AXIN1: variants seen among roughly 807,000 people sequenced by gnomAD.
AXIN1 encodes the protein axin 1, also known as axin-1.
In AXIN1, 30 loss-of-function variants were observed where a neutral mutation model predicts 76.4. The ratio of observed to expected loss-of-function variants is 0.39; its 90% CI spans 0.29 to 0.53. The LOEUF (loss-of-function observed/expected upper bound fraction) is 0.53. Ranked by LOEUF, AXIN1 falls within the 20% of genes least tolerant of loss-of-function variation. The pLI, the probability that AXIN1 is intolerant of heterozygous loss-of-function variation, is 0.66. For missense variants in AXIN1, 1,140 were observed against 1,198.8 expected (o/e 0.95, Z 0.72); for synonymous variants, 545 against 501.4 (o/e 1.09, Z -1.16).
chr16:326,219 C>T (rs2053575556), intron 2 of AXIN1, among the ~76,000 whole-genome samples: 1 of 149,170 alleles, frequency 6.7e-6, no homozygotes, highest in South Asian at 2.1e-4. Context: ...CTGGGCATGG[C>T]GACAGGCGCC....
chr16:318,389 C>T (rs931236830), intron 2 of AXIN1, among the ~76,000 whole-genome samples: 1 of 152,174 alleles, frequency 6.6e-6, no homozygotes, highest in Non-Finnish European at 1.5e-5. Flanking sequence ...CGGGAGAAGG[C>T]GGCTGGGAGA....
intron 2 of AXIN1, among the ~76,000 whole-genome samples, chr16:322,122 C>G (rs1443436877): frequency 6.6e-6 from 1 of 152,196 alleles, no homozygotes. Context: ...CACAGAGAGC[C>G]CCGTCTTGTG....
At chr16:315,026 G>A (rs1371477741) in intron 2 of AXIN1, among the ~76,000 whole-genome samples, 1 of 152,234 alleles carries the variant, frequency 6.6e-6, no homozygotes, top group African/African-American at 2.4e-5. Flanking sequence ...TCATTCTGCA[G>A]TGCGCGTCGG....
At chr16:295,916 A>G (rs1050962003) in intron 7 of AXIN1, among the ~76,000 whole-genome samples, 1 of 152,108 alleles carries the variant, frequency 6.6e-6, no homozygotes, top group East Asian at 1.9e-4. Flanking sequence ...GCAGTTAGCC[A>G]AGATTGCACC....
At chr16:329,445 C>A (rs945740771) in intron 2 of AXIN1, among the ~76,000 whole-genome samples, 1 of 151,928 alleles carries the variant, frequency 6.6e-6, no homozygotes, top group Non-Finnish European at 1.5e-5. Flanking sequence ...TCTGTGTTTT[C>A]TTTCTTTTCT....
rs771391099 is a variant in AXIN1, at chr16:297,103, G to A, written c.1908C>T (p.Ile636=). 93 of 1,612,662 alleles carry A rather than the reference G, an allele frequency of 5.8e-5. No homozygotes were observed. The highest frequency in any genetic ancestry group is 7.5e-5 in the Non-Finnish European group (88 of 1,179,956). The change falls in exon 7 of 11, where the codon ATC becomes ATT. Residue 636 remains isoleucine, a synonymous_variant. Coordinates refer to ENST00000262320, the MANE Select transcript of AXIN1 (RefSeq NM_003502.4). The part of the protein sequence containing the change: ...AEKNQKIMQW[I]IEGEKEISRH... ...TGCTGATCTCCTTTTCCCCCTCAATGATCCACTGCATGATTTTCTGGTTCT... is the reference window on the plus strand; with the variant it reads ...TGCTGATCTCCTTTTCCCCCTCAATAATCCACTGCATGATTTTCTGGTTCT...
intron 2 of AXIN1, among the ~76,000 whole-genome samples, chr16:326,354 C>CAA (rs1187459071): frequency 0.013 from 827 of 64,090 alleles, 15 homozygotes; most frequent in Admixed American, 0.019. Context: ...AACTCCGTCT[C>CAA]AAAAAAAAAA....
Position 293,645 on chromosome 16 carries a change from G to A in AXIN1, c.2029C>T (p.Pro677Ser), listed in dbSNP as rs746157158. 1.9e-6 allele frequency: 3 copies of A among 1,613,622 alleles called. No individual in the cohort carries two copies. The South Asian group carries it at 3.3e-5, about 18-fold the overall frequency. ...GGCTGCACGGAGGTCCGGAGCTGAG[G>A]GCCGGCCCAGGGGTGCTCAAGGGAC... ...PLSLEHPWAGPQLRTSVQPSH... is the reference protein window; with the variant it reads ...PLSLEHPWAGSQLRTSVQPSH... Residue 677 changes from proline to serine, a missense_variant, in exon 8 of 11, where the codon CCT becomes TCT. By Grantham distance (74) the Pro-to-Ser change is moderately conservative. Transcript: ENST00000262320. This position sits in a 1 kb window ranked among gnomAD's most constrained non-coding sequence, Gnocchi z 4.6.
Position 324,394 on chromosome 16 carries a change from G to A in AXIN1, c.879-9711C>T, listed in dbSNP as rs370235212. On this transcript the variant is annotated intron_variant, in intron 2 of 10. Coordinates refer to ENST00000262320, the MANE Select transcript of AXIN1 (RefSeq NM_003502.4). ...GCTGGAAGCAGCGCAGGGCAGAAGC[G>A]ATATGGAAAGGCGGGTCAGGCACAG... Among the ~76,000 whole-genome samples, 26 of 152,322 alleles carry A rather than the reference G, an allele frequency of 1.7e-4. No individual in the cohort carries two copies. The East Asian group carries it at 3.3e-3, about 19-fold the overall frequency.
chr16:293,273 T>G lies in AXIN1; in HGVS notation c.2186+215A>C, dbSNP rs1596980031. The stretch of plus-strand genomic sequence containing the variant: ...GAGCAATGAGCGCGGCGGCCTCGGG[T>G]GTGTGAAAGCTCCAGCCCCAGCCTC... On this transcript the variant is annotated intron_variant, in intron 8 of 10. Transcript: ENST00000262320. This position sits in a 1 kb window ranked among gnomAD's most constrained non-coding sequence, Gnocchi z 4.6. 1.7e-6 allele frequency: 1 copy of G among 601,562 alleles called. No individual in the cohort carries two copies. Among genetic ancestry groups the G allele is most frequent in the Non-Finnish European group, 2.9e-6 (1 of 340,086 alleles). 37.3% of individuals were successfully genotyped at this position (601,562 alleles called of 1,614,324 possible).
In AXIN1 at chr16:320,169, C is replaced by G. The variant is rs572863047; in HGVS notation, c.879-5486G>C. Among the ~76,000 whole-genome samples, 10 of 152,260 alleles carry G rather than the reference C, an allele frequency of 6.6e-5. No homozygotes were observed. In the South Asian group the frequency reaches 2.1e-3, roughly 32 times the overall value. Reference sequence around the variant, plus strand: ...ATTCCCTGGACTCCCACCTTAGCTTCCCAGGTAGGTGGGACAACAGGCGCA... The same window carrying G: ...ATTCCCTGGACTCCCACCTTAGCTTGCCAGGTAGGTGGGACAACAGGCGCA... On this transcript the variant is annotated intron_variant, in intron 2 of 10. Coordinates refer to ENST00000262320, the MANE Select transcript of AXIN1 (RefSeq NM_003502.4).
chr16:293,767 G>C lies in AXIN1; in HGVS notation c.1956-49C>G. The C allele has an allele frequency of 6.4e-7, 1 of 1,561,648 alleles. No individual in the cohort carries two copies. Among genetic ancestry groups the C allele is most frequent in the Non-Finnish European group, 8.8e-7 (1 of 1,137,578 alleles). ...GTGACTGTGGCCGACACCCTGGCCA[G>C]GTGGCCTGGTGGGGCTACACTCATC... On this transcript the variant is annotated intron_variant, in intron 7 of 10. Coordinates refer to ENST00000262320, the MANE Select transcript of AXIN1 (RefSeq NM_003502.4). The surrounding 1 kb of genome is among the most constrained non-coding windows in gnomAD (Gnocchi z 4.6).
At chr16:335,807 A>C (rs1474510085) in intron 2 of AXIN1, among the ~76,000 whole-genome samples, 1 of 151,558 alleles carries the variant, frequency 6.6e-6, no homozygotes, top group Non-Finnish European at 1.5e-5. Flanking sequence ...GAGGTTTTAC[A>C]GTGAGGAGAA....
rs2141705568 is a variant in AXIN1 at position 346,661 on chromosome 16, G to C, written c.365C>G (p.Thr122Ser). The stretch of plus-strand genomic sequence containing the variant: ...ACAGGGCTCCAGCTTCCTGAAGCCA[G>C]TGCAGGCAAACCAGAAGTCCAGCAA... ...ADLLDFWFAC[T>S]GFRKLEPCDS... The change falls in exon 2 of 11, where the codon ACT becomes AGT. Residue 122 changes from threonine to serine, a missense_variant. Thr to Ser is a moderately conservative substitution (Grantham distance 58). Around this residue, in one of 3 missense-constraint regions of AXIN1, gnomAD observed 708 missense variants for 776.9 expected, o/e 0.91. Transcript: ENST00000262320. 5 of 1,572,998 alleles carry C rather than the reference G, an allele frequency of 3.2e-6. No individual in the cohort carries two copies. The highest frequency in any genetic ancestry group is 4.3e-6 in the Non-Finnish European group (5 of 1,160,212).
chr16:323,776 CCACACACACA>C (rs10673343), intron 2 of AXIN1, among the ~76,000 whole-genome samples: 1 of 148,294 alleles, frequency 6.7e-6, no homozygotes, highest in South Asian at 2.2e-4. Context: ...TGAGACTCCA[CCACACACACA>C]CACACACACA....
Position 347,100 on chromosome 16 carries a change from A to T in AXIN1, c.-75T>A, listed in dbSNP as rs528312541. Reference sequence around the variant, plus strand: ...GTACTTACAGCTCCAAAGTGAATCAATCTGTCCTGTTGAAACCATTAAGAG... The same window carrying T: ...GTACTTACAGCTCCAAAGTGAATCATTCTGTCCTGTTGAAACCATTAAGAG... On this transcript the variant is annotated 5_prime_UTR_variant, in exon 2 of 11. In the 5' UTR this introduces an upstream ATG that the reference lacks. Coordinates refer to ENST00000262320, the MANE Select transcript of AXIN1 (RefSeq NM_003502.4). 1 of 1,610,388 alleles carries T rather than the reference A, an allele frequency of 6.2e-7. No individual in the cohort carries two copies. The highest frequency in any genetic ancestry group is 8.5e-7 in the Non-Finnish European group (1 of 1,179,928).
At chr16:311,652 T>A (rs1012066329) in intron 3 of AXIN1, among the ~76,000 whole-genome samples, 1 of 151,982 alleles carries the variant, frequency 6.6e-6, no homozygotes, top group Non-Finnish European at 1.5e-5. Flanking sequence ...GTGCCTGTAG[T>A]CCCAGCTACT....
chr16:326,189 C>G (rs1324430052), intron 2 of AXIN1, among the ~76,000 whole-genome samples: 2 of 150,774 alleles, frequency 1.3e-5, no homozygotes, highest in African/African-American at 2.4e-5. Context: ...CCCATCTCTA[C>G]TAAAAATACA....
Position 300,936 on chromosome 16 carries a change from T to A in AXIN1, c.1255-2685A>T, listed in dbSNP as rs567770562. 2.0e-5 allele frequency among the ~76,000 whole-genome samples: 3 copies of A among 152,338 alleles called. No individual in the cohort carries two copies. In the South Asian group the frequency reaches 6.2e-4, roughly 32 times the overall value. On this transcript the variant is annotated intron_variant, in intron 5 of 10. Transcript: ENST00000262320. ...ACTTAACCACTCGGCTAATGGTTTT[T>A]GTTTTCTTCTTTGTGCTTTAATTTC...
Sources: gnomAD v4.1 joint callset for allele counts (sites outside exome capture counted in the v4.1 genomes callset) on GRCh38, gnomAD v4.1.1 for gene constraint, gnomAD v4.1.1 regional missense constraint, Gnocchi (gnomAD v3.1) non-coding constraint, MANE v1.5 for transcripts, NCBI Gene and HGNC (gene_info 2026-07-23, HGNC 2026-07-21) for gene names.